LRRC4C: variants seen among roughly 807,000 people sequenced by gnomAD.
LRRC4C encodes the protein leucine-rich repeat-containing protein 4C.
In LRRC4C, 5 loss-of-function variants were observed where a neutral mutation model predicts 33.6. The observed-to-expected ratio is 0.15, with a 90% CI of 0.08 to 0.31. LRRC4C has a LOEUF of 0.31. Among genes scored for constraint, LRRC4C ranks in the 10% least tolerant of loss-of-function variants. LRRC4C has a pLI of 1.00. For synonymous variants in LRRC4C, 329 were observed against 302.0 expected, an observed-to-expected ratio of 1.09 and a Z score of -0.93; for missense variants, 560 against 796.7, an observed-to-expected ratio of 0.70 and a Z score of 3.58.
intron 1 of LRRC4C, among the ~76,000 whole-genome samples, chr11:41,444,077 A>G (rs1955742601): frequency 6.6e-6 from 1 of 152,138 alleles, no homozygotes; most frequent in Non-Finnish European, 1.5e-5. Flanking sequence ...ATGCGAAGGA[A>G]TTTCCGAACC....
intron 2 of LRRC4C, among the ~76,000 whole-genome samples, chr11:40,908,687 G>A (rs1956535079): frequency 6.6e-6 from 1 of 152,120 alleles, no homozygotes; most frequent in Non-Finnish European, 1.5e-5. Context: ...TTGGTCAGTG[G>A]TAATACTTCA....
At chr11:40,597,877 G>C (rs1176336351) in intron 3 of LRRC4C, among the ~76,000 whole-genome samples, 1 of 152,152 alleles carries the variant, frequency 6.6e-6, no homozygotes, top group East Asian at 1.9e-4. Flanking sequence ...TTGGCCAATA[G>C]TTTGCATAAT....
intron 3 of LRRC4C, among the ~76,000 whole-genome samples, chr11:40,518,671 C>G (rs1955674059): frequency 6.6e-6 from 1 of 152,126 alleles, no homozygotes; most frequent in Admixed American, 6.5e-5. Context: ...ATTAGTTCAA[C>G]CATTGTGGAA....
chr11:40,447,658 G>C (rs1445965457), intron 3 of LRRC4C, among the ~76,000 whole-genome samples: 2 of 152,152 alleles, frequency 1.3e-5, no homozygotes, highest in African/African-American at 4.8e-5. Context: ...AATCAGAGCT[G>C]GAACTTCCCA....
chr11:40,184,153 C>A (rs1317011494), intron 5 of LRRC4C, among the ~76,000 whole-genome samples: 1 of 152,072 alleles, frequency 6.6e-6, no homozygotes, highest in East Asian at 1.9e-4. Context: ...TGACTGTTGT[C>A]CACTCAAAGG....
At chr11:40,688,348 A>G (rs752469380) in intron 2 of LRRC4C, among the ~76,000 whole-genome samples, 15 of 152,176 alleles carry the variant, frequency 9.9e-5, no homozygotes, top group Non-Finnish European at 1.9e-4. Context: ...AAAGCATGGT[A>G]AAGGACACAA....
chr11:40,416,497 T>G (rs1237337931), intron 3 of LRRC4C, among the ~76,000 whole-genome samples: 1 of 152,160 alleles, frequency 6.6e-6, no homozygotes, highest in Non-Finnish European at 1.5e-5. Flanking sequence ...AAGCAGATAC[T>G]GATTACACAG....
chr11:40,147,779 G>A (rs914499778), intron 5 of LRRC4C, among the ~76,000 whole-genome samples: 2 of 152,060 alleles, frequency 1.3e-5, no homozygotes, highest in African/African-American at 4.8e-5. Context: ...AGGGGTACAT[G>A]TGCAAGTTTG....
chr11:40,820,248 G>C (rs1043308761), intron 2 of LRRC4C, among the ~76,000 whole-genome samples: 1 of 151,970 alleles, frequency 6.6e-6, no homozygotes, highest in Admixed American at 6.6e-5. Flanking sequence ...TATTGTCTAA[G>C]AAGTGGAAAC....
chr11:41,098,374 C>T (rs1940952587), intron 1 of LRRC4C, among the ~76,000 whole-genome samples: 2 of 152,066 alleles, frequency 1.3e-5, no homozygotes, highest in African/African-American at 4.8e-5. Context: ...TTATTGTAAT[C>T]TAAAATTATC....
At chr11:40,580,086 T>TGTGC (rs369797293) in intron 3 of LRRC4C, among the ~76,000 whole-genome samples, 2,517 of 151,832 alleles carry the variant, frequency 0.017, 92 homozygotes, top group African/African-American at 0.057. Flanking sequence ...TGTGTGTGTG[T>TGTGC]GCCTTTCAAG....
intron 4 of LRRC4C, among the ~76,000 whole-genome samples, chr11:40,283,325 C>T (rs1002378522): frequency 2.0e-5 from 3 of 152,068 alleles, no homozygotes; most frequent in Non-Finnish European, 2.9e-5. Context: ...ATCACCTTTG[C>T]TTTTGGCTCA....
intron 3 of LRRC4C, among the ~76,000 whole-genome samples, chr11:40,457,568 C>A (rs966320776): frequency 1.3e-5 from 2 of 152,080 alleles, no homozygotes; most frequent in Non-Finnish European, 2.9e-5. Flanking sequence ...CATGTTTATT[C>A]TCCTAGGTGC....
At chr11:40,469,971 T>A (rs1447537402) in intron 3 of LRRC4C, among the ~76,000 whole-genome samples, 1 of 152,144 alleles carries the variant, frequency 6.6e-6, no homozygotes, top group Admixed American at 6.5e-5. Flanking sequence ...CAGACTTAAA[T>A]GTTATTGCCT....
chr11:40,271,147 T>C (rs1414217411), intron 4 of LRRC4C, among the ~76,000 whole-genome samples: 1 of 152,172 alleles, frequency 6.6e-6, no homozygotes, highest in South Asian at 2.1e-4. Flanking sequence ...TACCCAGATA[T>C]ATTTATTACC....
At chr11:40,700,472 C>T (rs1945813153) in intron 2 of LRRC4C, among the ~76,000 whole-genome samples, 2 of 152,050 alleles carry the variant, frequency 1.3e-5, no homozygotes, top group Admixed American at 1.3e-4. Flanking sequence ...ATTTATATAT[C>T]AATCTAAAGT....
chr11:41,011,036 C>T (rs534440531), intron 1 of LRRC4C, among the ~76,000 whole-genome samples: 1 of 152,286 alleles, frequency 6.6e-6, no homozygotes, highest in African/African-American at 2.4e-5. Flanking sequence ...CATTTGACCT[C>T]TTTGGGTATA....
chr11:40,235,866 T>C (rs1865516355), intron 5 of LRRC4C, among the ~76,000 whole-genome samples: 1 of 152,192 alleles, frequency 6.6e-6, no homozygotes, highest in African/African-American at 2.4e-5. Context: ...TATATTTGCA[T>C]GGCCTTATTA....
intron 3 of LRRC4C, among the ~76,000 whole-genome samples, chr11:40,592,619 G>T (rs1223298407): frequency 6.6e-6 from 1 of 152,116 alleles, no homozygotes; most frequent in Non-Finnish European, 1.5e-5. Context: ...ACAGGTGAGG[G>T]TTCAGTGACT....
Sources: allele counts gnomAD v4.1 joint callset (sites outside exome capture counted in the v4.1 genomes callset), GRCh38; gene constraint gnomAD v4.1.1; transcripts MANE v1.5; gene names NCBI Gene and HGNC (gene_info 2026-07-23, HGNC 2026-07-21).